Variants in TMEM184B observed in about 807,000 individuals in gnomAD.
TMEM184B encodes the protein transmembrane protein 184B, also known as putative MAPK-activating protein FM08.
A neutral mutation model predicts 41.8 loss-of-function variants in TMEM184B; 17 were observed. The ratio of observed to expected loss-of-function variants is 0.41; its 90% CI spans 0.28 to 0.61. The LOEUF is 0.61. Ranked by LOEUF, TMEM184B falls within the 20% of genes least tolerant of loss-of-function variation. TMEM184B has a pLI of 0.34. For synonymous variants in TMEM184B, 240 were observed against 229.5 expected (o/e 1.05, Z -0.41); for missense variants, 393 against 557.8 (o/e 0.70, Z 2.98).
In TMEM184B at chr22:38,272,926, G is replaced by A. The variant is rs1402095633; in HGVS notation, c.-101C>T. On this transcript the variant is annotated 5_prime_UTR_variant, in exon 1 of 9. Transcript: ENST00000361906. ...GTGGCGGCGTCTGCGGACGATGCGC[G>A]GCAGCCGGACTCTGCGGGCGGGGCG... is the stretch of plus-strand genomic sequence containing the variant. The A allele has an allele frequency of 5.2e-6, 3 of 578,038 alleles. No individual in the cohort carries two copies. The highest frequency in any genetic ancestry group is 4.0e-5 in the African/African-American group (2 of 49,490). The allele number at this position is 578,038 out of a possible 1,614,324, so 35.8% of individuals were successfully genotyped here.
At chr22:38,251,448 C>T (rs550491934) in intron 1 of TMEM184B, among the ~76,000 whole-genome samples, 4 of 152,322 alleles carry the variant, frequency 2.6e-5, no homozygotes, top group South Asian at 2.1e-4. Flanking sequence ...GGCTCATAGA[C>T]GCATGGTCCC....
chr22:38,226,895 G>A lies in TMEM184B; in HGVS notation c.526-25C>T, dbSNP rs1278947327. On this transcript the variant is annotated intron_variant, in intron 5 of 8. Transcript: ENST00000361906. This position sits in a 1 kb window ranked among gnomAD's most constrained non-coding sequence, Gnocchi z 4.6. Reference sequence around the variant, plus strand: ...CCTGTTGGGGGGAAAAGGAGGTTGAGTGTGGAGGAGGAGCACAGAAGGCAT... The same window carrying A: ...CCTGTTGGGGGGAAAAGGAGGTTGAATGTGGAGGAGGAGCACAGAAGGCAT... 2.6e-6 allele frequency: 4 copies of A among 1,562,190 alleles called. No homozygotes were observed. The highest frequency in any genetic ancestry group is 1.4e-5 in the African/African-American group (1 of 70,988).
At chr22:38,269,872 A>G (rs1358581599) in intron 1 of TMEM184B, among the ~76,000 whole-genome samples, 4 of 152,160 alleles carry the variant, frequency 2.6e-5, no homozygotes, top group Non-Finnish European at 5.9e-5. Flanking sequence ...TCTAAAAGCG[A>G]TGCCAGGGGC....
intron 1 of TMEM184B, among the ~76,000 whole-genome samples, chr22:38,262,545 C>A (rs1037840265): frequency 6.6e-6 from 1 of 152,160 alleles, no homozygotes; most frequent in Non-Finnish European, 1.5e-5. Context: ...GTAAAGAGGG[C>A]CTGGGATGCC....
intron 8 of TMEM184B, 34 bp downstream of exon 8, chr22:38,224,751 C>T (rs748297121): frequency 1.9e-6 from 3 of 1,538,994 alleles, no homozygotes; most frequent in Non-Finnish European, 2.6e-6. Context: ...CCCTGCTTCT[C>T]CCAGCGGGGG....
chr22:38,225,514 A>C lies in TMEM184B; in HGVS notation c.697T>G (p.Tyr233Asp). ...CTGAGCAGCTCCCGGGTGGCGAAGT[A>C]GAAGAGGAAGAGGGCGTAGAGGGCC... ...SLALYALFLF[Y>D]FATRELLSPY... Residue 233 changes from tyrosine (Y) to aspartate (D), a missense_variant, in exon 7 of 9, where the codon TAC becomes GAC. Physicochemically the swap from Tyr to Asp is radical, Grantham distance 160 (BLOSUM62 -3). Coordinates refer to ENST00000361906, the MANE Select transcript of TMEM184B (RefSeq NM_012264.5). The surrounding 1 kb of genome is among the most constrained non-coding windows in gnomAD (Gnocchi z 4.4). 1 of 1,601,846 alleles carries C rather than the reference A, an allele frequency of 6.2e-7. No individual in the cohort carries two copies. Among genetic ancestry groups the C allele is most frequent in the Non-Finnish European group, 8.5e-7 (1 of 1,175,640 alleles).
At chr22:38,218,656 C>T (rs139541067), downstream of TMEM184B, among the ~76,000 whole-genome samples, 190 of 152,232 alleles carry the variant, frequency 1.2e-3, no homozygotes, top group Non-Finnish European at 2.4e-3. Context: ...GGTTGGGGCT[C>T]GGTGCTTTCC....
At position 38,225,202 on chromosome 22, in the gene TMEM184B, T is replaced by C. The variant is rs2091395688; in HGVS notation, c.787+222A>G. 6.6e-6 allele frequency among the ~76,000 whole-genome samples: 1 copy of C among 151,786 alleles called. No individual in the cohort carries two copies. Among genetic ancestry groups the C allele is most frequent in the African/African-American group, 2.4e-5 (1 of 41,330 alleles). ...CTGAGATGCCAGCAATTACGCAGGG[T>C]CTCCTGGGCCCTCTCATCCATGTAG... On this transcript the variant is annotated intron_variant, in intron 7 of 8. Transcript: ENST00000361906. The surrounding 1 kb of genome is among the most constrained non-coding windows in gnomAD (Gnocchi z 4.4).
chr22:38,220,596 C>G lies in TMEM184B; in HGVS notation c.*873G>C, dbSNP rs2091231307. The G allele has an allele frequency of 7.1e-6, 7 of 986,088 alleles. No homozygotes were observed. The highest frequency in any genetic ancestry group is 7.2e-6 in the Non-Finnish European group (6 of 830,124). The allele number at this position is 986,088 out of a possible 1,614,324, so 61.1% of individuals were successfully genotyped here. A position where few individuals can be genotyped will look rare whatever the true frequency, so the allele number is the denominator to read the frequency against. ...TCCCCTGAAACGGGAGGGAGAAGCC[C>G]CAAAGAGAGAGAGGACCCAGCATCA... On this transcript the variant is annotated 3_prime_UTR_variant, in exon 9 of 9. Transcript: ENST00000361906.
chr22:38,246,216 C>A, intron 2 of TMEM184B, 116 bp from the exon 3 acceptor site: 13 of 1,300,090 alleles, frequency 1.0e-5, no homozygotes, highest in Non-Finnish European at 1.4e-5. Flanking sequence ...GTGACCTACC[C>A]CTGAGCCTCA....
intron 1 of TMEM184B, among the ~76,000 whole-genome samples, chr22:38,250,223 G>A (rs1022134556): frequency 7.2e-5 from 11 of 152,360 alleles, no homozygotes; most frequent in Admixed American, 1.3e-4. Flanking sequence ...TCCTGCGCCC[G>A]CTGTCTGTCT....
rs577808579 is a variant in TMEM184B at position 38,262,527 on chromosome 22, G to A, written c.-59+10357C>T. Reference sequence around the variant, plus strand: ...TGACAGGCCAAGTGCGGCTCAAGAAGAGGCCCAGTAAAGAGGGCCTGGGAT... The same window carrying A: ...TGACAGGCCAAGTGCGGCTCAAGAAAAGGCCCAGTAAAGAGGGCCTGGGAT... On this transcript the variant is annotated intron_variant, in intron 1 of 8. Transcript: ENST00000361906. Among the ~76,000 whole-genome samples the A allele has an allele frequency of 2.4e-3, 371 of 152,364 alleles. 2 individuals are homozygous for A. Among genetic ancestry groups the A allele is most frequent in the African/African-American group, 8.2e-3 (342 of 41,584 alleles).
In TMEM184B at chr22:38,226,076, C is replaced by CTT. The variant is rs35956053; in HGVS notation, c.618-485_618-484dup. On this transcript the variant is annotated intron_variant, in intron 6 of 8. Transcript: ENST00000361906. This position sits in a 1 kb window ranked among gnomAD's most constrained non-coding sequence, Gnocchi z 4.6. ...AAGCACAGGGCTAGACACATGGTCA[C>CTT]TTTTTTTTTTTTTTTTTTTAGATAT... Among the ~76,000 whole-genome samples the CTT allele has an allele frequency of 0.012, 1,636 of 134,208 alleles. 41 individuals carry two copies. The highest frequency in any genetic ancestry group is 0.043 in the African/African-American group (1,566 of 36,336). 88.0% of individuals were successfully genotyped at this position (134,208 alleles called of 152,430 possible).
chr22:38,256,765 T>TC (rs1184589179), intron 1 of TMEM184B, among the ~76,000 whole-genome samples: 1 of 152,196 alleles, frequency 6.6e-6, no homozygotes, highest in African/African-American at 2.4e-5. Context: ...GTTGCATCTT[T>TC]CCCTGTCCCC....
chr22:38,219,601 C>T lies in TMEM184B; in HGVS notation c.*1868G>A. 2 of 985,510 alleles carry T rather than the reference C, an allele frequency of 2.0e-6. No individual in the cohort carries two copies. Among genetic ancestry groups the T allele is most frequent in the Non-Finnish European group, 2.4e-6 (2 of 829,928 alleles). The allele number at this position is 985,510 out of a possible 1,614,324, so 61.0% of individuals were successfully genotyped here. ...GGATGGAGCGGTCGGGCACATGTTCCCGTCCCCACGACCCCACGGACCGCT... is the reference window on the plus strand; with the variant it reads ...GGATGGAGCGGTCGGGCACATGTTCTCGTCCCCACGACCCCACGGACCGCT... On this transcript the variant is annotated 3_prime_UTR_variant, in exon 9 of 9. Transcript: ENST00000361906.
intron 8 of TMEM184B, 132 bp downstream of exon 8, chr22:38,224,653 C>T: frequency 1.1e-6 from 1 of 904,956 alleles, no homozygotes; most frequent in Non-Finnish European, 1.6e-6. Context: ...TGGCCCCATT[C>T]CTGCATATAG....
chr22:38,258,948 T>G (rs995972927), intron 1 of TMEM184B, among the ~76,000 whole-genome samples: 4 of 152,154 alleles, frequency 2.6e-5, no homozygotes. Flanking sequence ...ATGTTTATTT[T>G]CAACTGTAAT....
At chr22:38,252,882 C>A (rs1018828952) in intron 1 of TMEM184B, among the ~76,000 whole-genome samples, 5 of 152,216 alleles carry the variant, frequency 3.3e-5, no homozygotes, top group African/African-American at 1.2e-4. Flanking sequence ...GTGCCTCACG[C>A]CTGTAATCCT....
chr22:38,224,376 A>T (rs535285529), intron 8 of TMEM184B, among the ~76,000 whole-genome samples: 14 of 152,324 alleles, frequency 9.2e-5, no homozygotes, highest in Non-Finnish European at 1.5e-4. Context: ...GGCCTCCCAA[A>T]GTGCTGGGAT....
Sources: gnomAD v4.1 joint callset for allele counts (sites outside exome capture counted in the v4.1 genomes callset) on GRCh38, gnomAD v4.1.1 for gene constraint, Gnocchi (gnomAD v3.1) non-coding constraint, MANE v1.5 for transcripts, NCBI Gene and HGNC (gene_info 2026-07-23, HGNC 2026-07-21) for gene names.